The following RPSA2 variants were observed in gnomAD, a reference collection of about 807,000 sequenced individuals.
The protein encoded by RPSA2 is ribosomal protein SA 2, also known as small ribosomal subunit protein uS2B.
At chr19:23,838,727 A>G in the RPSA2 span, among the ~76,000 whole-genome samples, 177 of 148,288 alleles carry the variant, frequency 1.2e-3, no homozygotes, top group African/African-American at 4.1e-3. Context: ...GCTTATGTGT[A>G]TGTGTGTAAA....
At chr19:23,767,185 AC>A in the RPSA2 span, among the ~76,000 whole-genome samples, 1 of 151,710 alleles carries the variant, frequency 6.6e-6, no homozygotes. Context: ...CAGATTATCC[AC>A]CTGCCTCGCC....
the RPSA2 span, among the ~76,000 whole-genome samples, chr19:23,844,325 A>G: frequency 1.2e-4 from 19 of 152,138 alleles, no homozygotes; most frequent in Non-Finnish European, 2.1e-4. Flanking sequence ...ATGGTTTGCT[A>G]TTGTGAGCAT....
At chr19:23,856,656 G>A in the RPSA2 span, among the ~76,000 whole-genome samples, 2 of 152,096 alleles carry the variant, frequency 1.3e-5, no homozygotes, top group Non-Finnish European at 2.9e-5. Flanking sequence ...TTTCAACATA[G>A]GTTCTTTCTA....
chr19:23,832,855 C>T, the RPSA2 span: 3 of 1,580,532 alleles, frequency 1.9e-6, no homozygotes, highest in Non-Finnish European at 2.6e-6. Context: ...CCTTACTACA[C>T]ATAAGAGAAT....
chr19:23,780,368 G>A, the RPSA2 span, among the ~76,000 whole-genome samples: 6 of 152,274 alleles, frequency 3.9e-5, no homozygotes, highest in African/African-American at 1.4e-4. Context: ...TATCGGCCGG[G>A]CGCGGTGGCT....
chr19:23,820,402 C>T, the RPSA2 span, among the ~76,000 whole-genome samples: 2,021 of 152,284 alleles, frequency 0.013, 42 homozygotes, highest in African/African-American at 0.046. Context: ...ATATGTTCTC[C>T]AGATTCTTGG....
chr19:23,870,929 G>C, the RPSA2 span, among the ~76,000 whole-genome samples: 1 of 152,192 alleles, frequency 6.6e-6, no homozygotes. Context: ...ACACTGGAAG[G>C]TATGCTAAGG....
the RPSA2 span, among the ~76,000 whole-genome samples, chr19:23,865,915 C>A: frequency 2.0e-5 from 3 of 152,322 alleles, no homozygotes; most frequent in African/African-American, 7.2e-5. Context: ...GTGTTCAGAG[C>A]CATGTGCCTT....
At chr19:23,863,929 G>C in the RPSA2 span, among the ~76,000 whole-genome samples, 7 of 152,158 alleles carry the variant, frequency 4.6e-5, no homozygotes. Flanking sequence ...CACAAAGCAA[G>C]CTTCAGAACA....
chr19:23,768,271 A>C, the RPSA2 span, among the ~76,000 whole-genome samples: 1 of 151,822 alleles, frequency 6.6e-6, no homozygotes, highest in Non-Finnish European at 1.5e-5. Flanking sequence ...GAGAAATAGG[A>C]AAAATCTTTT....
At chr19:23,809,482 T>C in the RPSA2 span, 1 of 152,176 alleles carries the variant, frequency 6.6e-6, no homozygotes, top group Non-Finnish European at 1.5e-5. Flanking sequence ...ACAATACTTA[T>C]TCTTTCAGTA....
chr19:23,832,011 CCTTA>C, the RPSA2 span: 1 of 425,594 alleles, frequency 2.3e-6, no homozygotes, highest in African/African-American at 2.1e-5. Context: ...GGTCCTCAAT[CCTTA>C]CTAATAATAA....
At chr19:23,802,079 C>T in the RPSA2 span, among the ~76,000 whole-genome samples, 1 of 152,154 alleles carries the variant, frequency 6.6e-6, no homozygotes. Flanking sequence ...GTACAGAAAA[C>T]CAACAGGAGG....
chr19:23,778,500 C>T, the RPSA2 span, among the ~76,000 whole-genome samples: 2 of 152,160 alleles, frequency 1.3e-5, no homozygotes, highest in Non-Finnish European at 2.9e-5. Flanking sequence ...AGGTGTGAGC[C>T]ACTGTGCCTG....
the RPSA2 span, among the ~76,000 whole-genome samples, chr19:23,759,522 GTTT>G: frequency 7.9e-5 from 7 of 89,034 alleles, no homozygotes; most frequent in African/African-American, 3.1e-4. Context: ...TATATATCAG[GTTT>G]TTTTTTTTTT....
At chr19:23,795,511 G>A in the RPSA2 span, among the ~76,000 whole-genome samples, 1 of 151,988 alleles carries the variant, frequency 6.6e-6, no homozygotes, top group Non-Finnish European at 1.5e-5. Context: ...ACTAATTTTT[G>A]TACATTTATT....
chr19:23,853,034 T>C, the RPSA2 span, among the ~76,000 whole-genome samples: 3 of 152,194 alleles, frequency 2.0e-5, no homozygotes, highest in African/African-American at 7.2e-5. Context: ...AATATAGGCC[T>C]GGGGAAATTG....
At chr19:23,845,544 T>A in the RPSA2 span, among the ~76,000 whole-genome samples, 1 of 152,224 alleles carries the variant, frequency 6.6e-6, no homozygotes, top group Non-Finnish European at 1.5e-5. Context: ...TGGGCTGGAG[T>A]GCAGTGGAAC....
the RPSA2 span, among the ~76,000 whole-genome samples, chr19:23,810,529 C>G: frequency 6.6e-6 from 1 of 151,690 alleles, no homozygotes; most frequent in East Asian, 1.9e-4. Flanking sequence ...CAGGTTTCTG[C>G]AGTCGGGTCT....
Sources: gnomAD v4.1 joint callset for allele counts (sites outside exome capture counted in the v4.1 genomes callset) on GRCh38, gnomAD v4.1.1 for gene constraint, MANE v1.5 for transcripts, NCBI Gene and HGNC (gene_info 2026-07-23, HGNC 2026-07-21) for gene names.